Variants in HMCN1 observed in about 807,000 individuals in gnomAD.
HMCN1 encodes the protein hemicentin 1, also known as hemicentin-1.
Under a neutral mutation model 625.9 loss-of-function variants are expected in HMCN1, and 321 were observed. The ratio of observed to expected loss-of-function variants is 0.51; its 90% confidence interval spans 0.47 to 0.56. The LOEUF (loss-of-function observed/expected upper bound fraction) is 0.56, where lower values mean the gene tolerates loss of function less well. HMCN1 is among the 20% of genes least tolerant of loss of function. The probability of loss-of-function intolerance (pLI) is 0.00; values close to 1 mark genes in which losing one functional copy is unlikely to be tolerated. For synonymous variants in HMCN1, 2,425 were observed against 2,417.6 expected (o/e 1.00, Z -0.09); for missense variants, 6,588 against 6,887.3 (o/e 0.96, Z 1.54).
intron 25 of HMCN1, 59 bp from the exon 26 acceptor site, chr1:185,999,986 A>G: frequency 8.4e-7 from 1 of 1,185,802 alleles, no homozygotes; most frequent in South Asian, 1.3e-5. Context: ...GATATATTTG[A>G]TATTTAATAA....
chr1:185,984,210 C>T lies in HMCN1; in HGVS notation c.2832C>T (p.Ser944=). The T allele has an allele frequency of 6.2e-7, 1 of 1,613,290 alleles. No individual in the cohort carries two copies. Among genetic ancestry groups the T allele is most frequent in the African/African-American group, 1.3e-5 (1 of 74,966 alleles). The part of the protein sequence containing the change: ...NPYITVRSDG[S]LHIERVQLQD... ...ACATCACTGTGCGCAGTGATGGGAG[C>T]CTCCATATTGAAAGAGTTCAGCTTC... The change falls in exon 19 of 107, where the codon AGC becomes AGT. Residue 944 remains serine (S), a synonymous_variant. Coordinates refer to ENST00000271588, the MANE Select transcript of HMCN1 (RefSeq NM_031935.3).
chr1:186,077,215 A>G (rs1658876410), intron 54 of HMCN1, among the ~76,000 whole-genome samples: 1 of 152,160 alleles, frequency 6.6e-6, no homozygotes, highest in Non-Finnish European at 1.5e-5. Context: ...CCCCAATTAA[A>G]TAAAAGAGTA....
intron 1 of HMCN1, among the ~76,000 whole-genome samples, chr1:185,744,048 G>C (rs936695804): frequency 2.0e-5 from 3 of 146,382 alleles, no homozygotes; most frequent in African/African-American, 7.7e-5. Flanking sequence ...GAGTGCAGTG[G>C]CGCAATCTCG....
chr1:186,189,036 C>T (rs1653540925), intron 106 of HMCN1, among the ~76,000 whole-genome samples: 1 of 152,028 alleles, frequency 6.6e-6, no homozygotes, highest in Non-Finnish European at 1.5e-5. Flanking sequence ...AAAAGAAGTA[C>T]CCCTTTCTCA....
chr1:185,852,864 G>A (rs1662246764), intron 2 of HMCN1, among the ~76,000 whole-genome samples: 1 of 152,044 alleles, frequency 6.6e-6, no homozygotes, highest in Non-Finnish European at 1.5e-5. Flanking sequence ...GGTTTTGCAA[G>A]TGTTTTAAAA....
chr1:185,996,486 A>C (rs1652798392), intron 24 of HMCN1, among the ~76,000 whole-genome samples: 1 of 152,162 alleles, frequency 6.6e-6, no homozygotes, highest in African/African-American at 2.4e-5. Context: ...TAATGAAGTT[A>C]GACTTTATTC....
In HMCN1 at chr1:185,788,537, C is replaced by T. The variant is rs114482150; in HGVS notation, c.268+53490C>T. 7.4e-3 allele frequency among the ~76,000 whole-genome samples: 1,120 copies of T among 152,156 alleles called. 9 individuals are homozygous for T. Among genetic ancestry groups the T allele is most frequent in the Middle Eastern group, 0.027 (8 of 294 alleles). ...AGGTTTGGTTGGAGTTTTGCCATGT[C>T]GTTTAAATTAGCCCCATAGCCTAGA... On this transcript the variant is annotated intron_variant, in intron 1 of 106. Transcript: ENST00000271588.
At chr1:185,867,345 G>A (rs1042079485) in intron 4 of HMCN1, among the ~76,000 whole-genome samples, 2 of 152,132 alleles carry the variant, frequency 1.3e-5, no homozygotes, top group Non-Finnish European at 1.5e-5. Context: ...GGAAGAAAGG[G>A]ATTGGGGAAC....
chr1:185,745,891 A>G (rs1301280140), intron 1 of HMCN1, among the ~76,000 whole-genome samples: 2 of 152,232 alleles, frequency 1.3e-5, no homozygotes, highest in African/African-American at 4.8e-5. Context: ...GAGAAAAGGA[A>G]GGAGACAGGA....
chr1:185,874,748 T>C (rs1663826547), intron 4 of HMCN1, among the ~76,000 whole-genome samples: 1 of 152,018 alleles, frequency 6.6e-6, no homozygotes, highest in African/African-American at 2.4e-5. Context: ...GTCATAATTT[T>C]AAATAGACAC....
At chr1:185,882,962 G>A (rs1035651807) in intron 4 of HMCN1, among the ~76,000 whole-genome samples, 6 of 151,928 alleles carry the variant, frequency 3.9e-5, no homozygotes, top group African/African-American at 1.5e-4. Flanking sequence ...TCATCATACT[G>A]TCTTATTTCT....
intron 29 of HMCN1, among the ~76,000 whole-genome samples, chr1:186,005,189 A>G (rs992825234): frequency 1.4e-5 from 2 of 144,892 alleles, no homozygotes; most frequent in Admixed American, 6.8e-5. Context: ...ATGTTTATAA[A>G]CAATTTTTTA....
At chr1:185,937,529 AG>A (rs1667869568) in intron 11 of HMCN1, among the ~76,000 whole-genome samples, 1 of 152,184 alleles carries the variant, frequency 6.6e-6, no homozygotes, top group Admixed American at 6.5e-5. Context: ...ACACAAATTC[AG>A]GGAGACACAT....
At chr1:185,802,373 T>TTCTGCGAAAGTTGCCTTAGAC in intron 1 of HMCN1, among the ~76,000 whole-genome samples, 1 of 151,980 alleles carries the variant, frequency 6.6e-6, no homozygotes, top group East Asian at 1.9e-4. Context: ...ATATAAGAGA[T>TTCTGCGAAAGTTGCCTTAGAC]TCTGCGAAAG....
At chr1:186,068,408 T>C (rs192530774) in intron 50 of HMCN1, among the ~76,000 whole-genome samples, 134 of 152,224 alleles carry the variant, frequency 8.8e-4, no homozygotes, top group East Asian at 1.9e-3. Context: ...AAATAGATAA[T>C]GCAAATAAAA....
intron 77 of HMCN1, 119 bp downstream of exon 77, chr1:186,117,742 A>C (rs1482652361): frequency 3.1e-6 from 3 of 979,416 alleles, no homozygotes; most frequent in Non-Finnish European, 4.8e-6. Context: ...TCTTGAACTT[A>C]AAAATCTGGA....
chr1:186,102,024 C>G (rs931083587), intron 68 of HMCN1, among the ~76,000 whole-genome samples: 4 of 152,000 alleles, frequency 2.6e-5, no homozygotes, highest in African/African-American at 9.7e-5. Flanking sequence ...AAGGACGAAG[C>G]TTGTTGAGAG....
intron 81 of HMCN1, among the ~76,000 whole-genome samples, chr1:186,123,911 AGTGT>A (rs1182528965): frequency 6.6e-6 from 1 of 152,010 alleles, no homozygotes; most frequent in Non-Finnish European, 1.5e-5. Flanking sequence ...TTATTTTTCA[AGTGT>A]ATTTTAATTT....
At chr1:186,021,969 A>C (rs2102160674) in intron 35 of HMCN1, among the ~76,000 whole-genome samples, 1 of 152,216 alleles carries the variant, frequency 6.6e-6, no homozygotes, top group Middle Eastern at 3.4e-3. Flanking sequence ...AATTAATAGG[A>C]TTCAAAGTAG....
Sources: allele counts gnomAD v4.1 joint callset (sites outside exome capture counted in the v4.1 genomes callset), GRCh38; gene constraint gnomAD v4.1.1; transcripts MANE v1.5; gene names NCBI Gene and HGNC (gene_info 2026-07-23, HGNC 2026-07-21).